Variants in SYT3 observed in about 807,000 individuals in gnomAD.
SYT3 encodes the protein synaptotagmin-3.
In SYT3, 25 loss-of-function variants were observed where a neutral mutation model predicts 50.6. That is an observed-to-expected ratio of 0.49 (90% CI 0.36 to 0.69). The LOEUF (loss-of-function observed/expected upper bound fraction) is 0.69. SYT3 is among the 30% of genes least tolerant of loss of function. The pLI, the probability that SYT3 is intolerant of heterozygous loss-of-function variation, is 0.00. For synonymous variants in SYT3, 323 were observed against 353.9 expected, an observed-to-expected ratio of 0.91 and a Z score of 0.98; for missense variants, 589 against 793.6, an observed-to-expected ratio of 0.74 and a Z score of 3.10.
chr19:50,631,311 C>T (rs1334201236), intron 4 of SYT3, among the ~76,000 whole-genome samples: 7 of 151,804 alleles, frequency 4.6e-5, no homozygotes, highest in South Asian at 2.1e-4. Flanking sequence ...CAACCATGCC[C>T]GGCTATTTTT....
rs766817146 is a variant in SYT3, at chr19:50,625,940, G to A, written c.1359C>T (p.Ile453=). Residue 453 remains isoleucine (I), a synonymous_variant, in exon 7 of 11, where the codon ATC becomes ATT. Transcript: ENST00000600079. The surrounding 1 kb of genome is among the most constrained non-coding windows in gnomAD (Gnocchi z 7.5). ...CCATCGCTTTGAGGTTAGAGGCTTT[G>A]ATGATGGTCACGGTGAGGCGCCCGG... ...PTAGRLTVTI[I]KASNLKAMDL... 5 of 1,614,158 alleles carry A rather than the reference G, an allele frequency of 3.1e-6. No individual in the cohort carries two copies. In the East Asian group the frequency reaches 8.9e-5, roughly 29 times the overall value.
intron 9 of SYT3, among the ~76,000 whole-genome samples, chr19:50,624,224 C>CA (rs918791892): frequency 4.6e-5 from 7 of 152,206 alleles, no homozygotes; most frequent in African/African-American, 1.4e-4. Context: ...CTTGGCCTCC[C>CA]AAGGCCTGTG....
the SYT3 span, among the ~76,000 whole-genome samples, chr19:50,652,823 C>CAGGTGAGAGTG: frequency 6.6e-6 from 1 of 151,996 alleles, no homozygotes; most frequent in Admixed American, 6.6e-5. Flanking sequence ...GTTAGGAGAC[C>CAGGTGAGAGTG]AGGTGAGAGT....
upstream of SYT3, among the ~76,000 whole-genome samples, chr19:50,643,480 C>A (rs900336864): frequency 6.6e-6 from 1 of 151,678 alleles, no homozygotes; most frequent in Non-Finnish European, 1.5e-5. Flanking sequence ...AAAGAAAAAA[C>A]AAAAAACGGA....
At position 50,630,210 on chromosome 19, in the gene SYT3, G is replaced by C. The variant is rs750984338; in HGVS notation, c.675-39C>G. The C allele has an allele frequency of 5.4e-6, 8 of 1,475,984 alleles. No individual in the cohort carries two copies. The Admixed American group carries it at 1.8e-4, about 34-fold the overall frequency. 91.4% of individuals were successfully genotyped at this position (1,475,984 alleles called of 1,614,324 possible). A position where few individuals can be genotyped will look rare whatever the true frequency, so the allele number is the denominator to read the frequency against. ...GGGGGAGACCAAGGTGAGGTCAGTG[G>C]CTCTGATCTTCGACTGCATGCAGAG... On this transcript the variant is annotated intron_variant, in intron 4 of 10. Coordinates refer to ENST00000600079, the MANE Select transcript of SYT3 (RefSeq NM_001160329.2).
the SYT3 span, chr19:50,657,958 C>A: frequency 6.7e-7 from 1 of 1,500,466 alleles, no homozygotes; most frequent in Non-Finnish European, 8.9e-7. Flanking sequence ...CAGGAGGCCA[C>A]GGGCTGAGGT....
rs1369539846 is a variant in SYT3, at chr19:50,639,338, G to A, written c.-153-176C>T. On this transcript the variant is annotated intron_variant, in intron 1 of 10. Transcript: ENST00000600079. The surrounding 1 kb of genome is among the most constrained non-coding windows in gnomAD (Gnocchi z 4.6). ...CGGCAGGTCTCGCGCTCGCGCTGCT[G>A]CGGCTTCATAGACCCGGCGCTGCAG... 1 of 152,184 alleles carries A rather than the reference G, an allele frequency of 6.6e-6. No homozygotes were observed. Among genetic ancestry groups the A allele is most frequent in the African/African-American group, 2.4e-5 (1 of 41,442 alleles). 9.4% of individuals were successfully genotyped at this position (152,184 alleles called of 1,614,324 possible). A position where few individuals can be genotyped will look rare whatever the true frequency, so the allele number is the denominator to read the frequency against.
intron 6 of SYT3, among the ~76,000 whole-genome samples, chr19:50,627,220 C>G (rs781650661): frequency 1.3e-4 from 20 of 152,140 alleles, no homozygotes; most frequent in African/African-American, 1.9e-4. Context: ...TGTCCCTCTG[C>G]CAGAACACTC....
intron 3 of SYT3, among the ~76,000 whole-genome samples, chr19:50,633,963 A>C (rs1984411263): frequency 6.6e-6 from 1 of 152,196 alleles, no homozygotes. Context: ...CTTCCCAATA[A>C]ATGGTAGTTC....
upstream of SYT3, among the ~76,000 whole-genome samples, chr19:50,643,181 G>T (rs1397848060): frequency 6.6e-6 from 1 of 151,848 alleles, no homozygotes; most frequent in African/African-American, 2.4e-5. Flanking sequence ...GACTTGCCTG[G>T]ACAACATAGT....
At chr19:50,642,695 G>A (rs565135400), upstream of SYT3, among the ~76,000 whole-genome samples, 10 of 152,148 alleles carry the variant, frequency 6.6e-5, no homozygotes, top group South Asian at 6.2e-4. Context: ...TTAGCCGGGC[G>A]TGGTGGCACA....
chr19:50,654,463 C>T, the SYT3 span, among the ~76,000 whole-genome samples: 17 of 151,892 alleles, frequency 1.1e-4, no homozygotes, highest in East Asian at 9.7e-4. Flanking sequence ...CCAACACACC[C>T]GGCTTTTTTG....
upstream of SYT3, among the ~76,000 whole-genome samples, chr19:50,641,168 ATTTTTTTTTTTTT>A (rs566141853): frequency 8.3e-5 from 5 of 60,218 alleles, no homozygotes; most frequent in South Asian, 2.4e-3. Context: ...GAGCCCAGGA[ATTTTTTTTTTTTT>A]TTTTTTTTTT....
rs771656522 is a variant in SYT3, at chr19:50,632,385, C to G, written c.575G>C (p.Gly192Ala). The G allele has an allele frequency of 1.2e-6, 2 of 1,613,236 alleles. No homozygotes were observed. Among genetic ancestry groups the G allele is most frequent in the South Asian group, 1.1e-5 (1 of 91,072 alleles). Residue 192 changes from glycine to alanine, a missense_variant, in exon 4 of 11, where the codon GGG becomes GCG. Gly to Ala is a moderately conservative substitution (Grantham distance 60). Transcript: ENST00000600079. The surrounding 1 kb of genome is among the most constrained non-coding windows in gnomAD (Gnocchi z 4.7). ...CAGGAGCAACCCAGAGCCTGCTCCC[C>G]CCTCAGAGGGCAGCTCAGGGGATGT... ...SQTSPELPSE[G>A]GAGSGLLLLP...
upstream of SYT3, among the ~76,000 whole-genome samples, chr19:50,642,156 G>A (rs1363613614): frequency 2.0e-5 from 3 of 152,180 alleles, no homozygotes; most frequent in South Asian, 2.1e-4. Flanking sequence ...AAGCATGTGC[G>A]GGTGTAAACC....
At chr19:50,631,809 G>C (rs1038367416) in intron 4 of SYT3, among the ~76,000 whole-genome samples, 3 of 152,062 alleles carry the variant, frequency 2.0e-5, no homozygotes, top group African/African-American at 7.2e-5. Context: ...TGAGTGACAG[G>C]AGGGCAGAGT....
chr19:50,637,495 T>C lies in SYT3; in HGVS notation c.-15-69A>G, dbSNP rs2287819. On this transcript the variant is annotated intron_variant, in intron 2 of 10. Coordinates refer to ENST00000600079, the MANE Select transcript of SYT3 (RefSeq NM_001160329.2). This position sits in a 1 kb window ranked among gnomAD's most constrained non-coding sequence, Gnocchi z 4.9. ...AATGGGAGTGCAGGGTGGGCAGGTG[T>C]GGAGATAAGGGTGGAAAGAGACACC... 224,426 of 1,405,978 alleles carry C rather than the reference T, an allele frequency of 0.16. 18,750 individuals carry two copies. The highest frequency in any genetic ancestry group is 0.17 in the Non-Finnish European group (176,847 of 1,032,434). 87.1% of individuals were successfully genotyped at this position (1,405,978 alleles called of 1,614,324 possible).
Position 50,622,467 on chromosome 19 carries a change from G to C in SYT3, c.*18C>G. 4 of 452,958 alleles carry C rather than the reference G, an allele frequency of 8.8e-6. No homozygotes were observed. The highest frequency in any genetic ancestry group is 1.7e-5 in the Non-Finnish European group (4 of 241,828). The allele number at this position is 452,958 out of a possible 1,614,324, so 28.1% of individuals were successfully genotyped here. A position where few individuals can be genotyped will look rare whatever the true frequency, so the allele number is the denominator to read the frequency against. On this transcript the variant is annotated 3_prime_UTR_variant, in exon 11 of 11. Coordinates refer to ENST00000600079, the MANE Select transcript of SYT3 (RefSeq NM_001160329.2). The stretch of plus-strand genomic sequence containing the variant: ...TCCTGAGGGAGCCTGGTCCGATCCC[G>C]GGCCTAGGCCAGACCTGCACGATGG...
Position 50,625,116 on chromosome 19 carries a change from G to T in SYT3, c.1707+46C>A, listed in dbSNP as rs1197807881. 1.3e-6 allele frequency: 2 copies of T among 1,497,882 alleles called. No homozygotes were observed. The highest frequency in any genetic ancestry group is 2.6e-5 in the South Asian group (2 of 78,332). 92.8% of individuals were successfully genotyped at this position (1,497,882 alleles called of 1,614,324 possible). ...TTCGTTGCATGGATGAAGGGGCCGA[G>T]GGTGCACGGGTGCTTGTCAGGGGTC... On this transcript the variant is annotated intron_variant, in intron 9 of 10. Coordinates refer to ENST00000600079, the MANE Select transcript of SYT3 (RefSeq NM_001160329.2). This position sits in a 1 kb window ranked among gnomAD's most constrained non-coding sequence, Gnocchi z 7.5.
Sources: gnomAD v4.1 joint callset for allele counts (sites outside exome capture counted in the v4.1 genomes callset) on GRCh38, gnomAD v4.1.1 for gene constraint, Gnocchi (gnomAD v3.1) non-coding constraint, MANE v1.5 for transcripts, NCBI Gene and HGNC (gene_info 2026-07-23, HGNC 2026-07-21) for gene names.